The following PRDM16 variants were observed in gnomAD, a reference collection of about 807,000 sequenced individuals.
PRDM16 encodes histone-lysine N-methyltransferase PRDM16.
In PRDM16, 23 loss-of-function variants were observed where a neutral mutation model predicts 110.6. The observed-to-expected ratio is 0.21, with a 90% CI of 0.15 to 0.29. The LOEUF (loss-of-function observed/expected upper bound fraction) is 0.29, where lower values mean the gene tolerates loss of function less well. PRDM16 is among the 10% of genes least tolerant of loss of function. The pLI is 1.00. For synonymous variants in PRDM16, 799 were observed against 781.8 expected (o/e 1.02, Z -0.37); for missense variants, 1,615 against 1,794.3 (o/e 0.90, Z 1.81).
At chr1:3,297,971 G>A (rs1176930109) in intron 3 of PRDM16, among the ~76,000 whole-genome samples, 2 of 152,136 alleles carry the variant, frequency 1.3e-5, no homozygotes, top group Non-Finnish European at 2.9e-5. Context: ...GCTCTGCAGG[G>A]GCCAGACTGC....
At chr1:3,351,849 C>G (rs1434279058) in intron 3 of PRDM16, among the ~76,000 whole-genome samples, 1 of 149,724 alleles carries the variant, frequency 6.7e-6, no homozygotes, top group Non-Finnish European at 1.5e-5. Flanking sequence ...CCGCCTCCCC[C>G]TTGAGAACTC....
intron 8 of PRDM16, among the ~76,000 whole-genome samples, chr1:3,408,478 G>A (rs748075580): frequency 2.0e-5 from 3 of 152,226 alleles, no homozygotes; most frequent in East Asian, 1.9e-4. Context: ...AAGTATGCAC[G>A]TGTGAGAGTG....
chr1:3,078,411 G>A lies in PRDM16; in HGVS notation c.37+9115G>A, dbSNP rs779547173. 2.6e-5 allele frequency among the ~76,000 whole-genome samples: 4 copies of A among 152,316 alleles called. No homozygotes were observed. The East Asian group carries it at 5.8e-4, about 22-fold the overall frequency. On this transcript the variant is annotated intron_variant, in intron 1 of 16. Transcript: ENST00000270722. ...CCCTCGCCTGGGGGTCTGGACCATG[G>A]TGTCTAAGATGGCAGGAAAGCCAGA...
intron 1 of PRDM16, among the ~76,000 whole-genome samples, chr1:3,130,935 G>T (rs777082038): frequency 2.6e-5 from 4 of 152,076 alleles, no homozygotes; most frequent in Non-Finnish European, 5.9e-5. Flanking sequence ...CCCTGTTCAG[G>T]TTAGGTGTGT....
At chr1:3,203,800 C>A (rs1433363197) in intron 2 of PRDM16, among the ~76,000 whole-genome samples, 1 of 152,164 alleles carries the variant, frequency 6.6e-6, no homozygotes, top group Non-Finnish European at 1.5e-5. Flanking sequence ...ACTCAGGCCG[C>A]GTTCTCAGGT....
chr1:3,234,701 G>A (rs1639500838), intron 2 of PRDM16, among the ~76,000 whole-genome samples: 1 of 152,216 alleles, frequency 6.6e-6, no homozygotes, highest in Non-Finnish European at 1.5e-5. Flanking sequence ...TGGCCCAGGT[G>A]AACATGACCA....
intron 12 of PRDM16, among the ~76,000 whole-genome samples, chr1:3,424,465 G>T (rs1366783473): frequency 2.0e-5 from 3 of 152,242 alleles, no homozygotes; most frequent in Non-Finnish European, 2.9e-5. Flanking sequence ...TAAACTCAGG[G>T]TGTTAGAGTC....
intron 9 of PRDM16, among the ~76,000 whole-genome samples, 200 bp downstream of exon 9, chr1:3,413,000 G>C (rs1192552642): frequency 1.3e-5 from 2 of 152,180 alleles, no homozygotes; most frequent in African/African-American, 2.4e-5. Flanking sequence ...TCCTAAGCTA[G>C]GTGCCTGGCC....
At chr1:3,241,521 T>A (rs1383426870) in intron 2 of PRDM16, among the ~76,000 whole-genome samples, 1 of 152,170 alleles carries the variant, frequency 6.6e-6, no homozygotes, top group Non-Finnish European at 1.5e-5. Context: ...GCCCTCCTGG[T>A]CAGTGCGTCG....
At chr1:3,114,313 A>C (rs376499754) in intron 1 of PRDM16, among the ~76,000 whole-genome samples, 1 of 132,624 alleles carries the variant, frequency 7.5e-6, no homozygotes, top group African/African-American at 2.8e-5. Flanking sequence ...ACGCACACAC[A>C]CGCACACACG....
In PRDM16 at chr1:3,175,658, C is replaced by T. The variant is rs1282203086; in HGVS notation, c.38-10467C>T. Among the ~76,000 whole-genome samples the T allele has an allele frequency of 1.3e-5, 2 of 152,144 alleles. No homozygotes were observed. The highest frequency in any genetic ancestry group is 2.1e-4 in the South Asian group (1 of 4,820). On this transcript the variant is annotated intron_variant, in intron 1 of 16. Coordinates refer to ENST00000270722, the MANE Select transcript of PRDM16 (RefSeq NM_022114.4). This position sits in a 1 kb window ranked among gnomAD's most constrained non-coding sequence, Gnocchi z 4.8. ...AGTCCCGTGGAGCCAGGCACAGCTC[C>T]GGCCAAGTCCCAGAACTCAGACCTG...
In PRDM16 at chr1:3,290,626, G is replaced by T. The variant is rs747253514; in HGVS notation, c.438+46489G>T. On this transcript the variant is annotated intron_variant, in intron 3 of 16. Coordinates refer to ENST00000270722, the MANE Select transcript of PRDM16 (RefSeq NM_022114.4). The surrounding 1 kb of genome is among the most constrained non-coding windows in gnomAD (Gnocchi z 4.8). The stretch of plus-strand genomic sequence containing the variant: ...CCGTCTGCAGGATCCCTCCCAGGAC[G>T]CAGTGGTGGGCCCAGGCCGGCCAGC... 2.4e-4 allele frequency among the ~76,000 whole-genome samples: 37 copies of T among 152,206 alleles called. No individual in the cohort carries two copies. Among genetic ancestry groups the T allele is most frequent in the Non-Finnish European group, 2.9e-5 (2 of 68,048 alleles).
chr1:3,159,425 A>G (rs77409214), intron 1 of PRDM16, among the ~76,000 whole-genome samples: 3,997 of 152,322 alleles, frequency 0.026, 136 homozygotes, highest in East Asian at 0.11. Flanking sequence ...TCCTTGGCTC[A>G]TAGATGGCAT....
At chr1:3,271,050 A>C (rs1640441338) in intron 3 of PRDM16, among the ~76,000 whole-genome samples, 1 of 152,176 alleles carries the variant, frequency 6.6e-6, no homozygotes, top group African/African-American at 2.4e-5. Flanking sequence ...CGCTCCTCCC[A>C]GTCCCGGCTG....
chr1:3,116,408 C>T (rs1642961352), intron 1 of PRDM16, among the ~76,000 whole-genome samples: 1 of 152,148 alleles, frequency 6.6e-6, no homozygotes, highest in African/African-American at 2.4e-5. Flanking sequence ...AGACGTGGCA[C>T]CGTACCTCCC....
chr1:3,273,976 T>TA (rs927412647), intron 3 of PRDM16, among the ~76,000 whole-genome samples: 21,994 of 68,264 alleles, frequency 0.32, 2,986 homozygotes, highest in Middle Eastern at 0.44. Flanking sequence ...TATGGGGAGG[T>TA]AAAAAAAAAA....
intron 1 of PRDM16, among the ~76,000 whole-genome samples, chr1:3,184,228 C>T (rs796211856): frequency 3.9e-5 from 6 of 152,350 alleles, no homozygotes; most frequent in East Asian, 1.9e-4. Flanking sequence ...GTTTTCCTTA[C>T]GACTTTTCCC....
chr1:3,271,821 G>A (rs1465457202), intron 3 of PRDM16, among the ~76,000 whole-genome samples: 4 of 152,184 alleles, frequency 2.6e-5, no homozygotes, highest in South Asian at 2.1e-4. Context: ...AGCAGGCCGC[G>A]GAGTCCTGGG....
intron 1 of PRDM16, among the ~76,000 whole-genome samples, chr1:3,089,674 C>T (rs553365383): frequency 1.3e-5 from 2 of 152,370 alleles, no homozygotes; most frequent in African/African-American, 2.4e-5. Context: ...GCCGAGGAAG[C>T]GCAGGGAGCC....
Sources: gnomAD v4.1 joint callset for allele counts (sites outside exome capture counted in the v4.1 genomes callset) on GRCh38, gnomAD v4.1.1 for gene constraint, Gnocchi (gnomAD v3.1) non-coding constraint, MANE v1.5 for transcripts, NCBI Gene and HGNC (gene_info 2026-07-23, HGNC 2026-07-21) for gene names.